Variants in CELSR1 observed in about 807,000 individuals in gnomAD.
CELSR1 encodes the protein adhesion G protein-coupled receptor C1.
Under a neutral mutation model 249.1 loss-of-function variants are expected in CELSR1, and 110 were observed. That is an observed-to-expected ratio of 0.44 (90% CI 0.38 to 0.52). The LOEUF is 0.52. Among genes scored for constraint, CELSR1 ranks in the 20% least tolerant of loss-of-function variants. The pLI is 0.00. For missense variants in CELSR1, 4,109 were observed against 4,296.4 expected, an observed-to-expected ratio of 0.96 and a Z score of 1.22; for synonymous variants, 2,113 against 1,900.0, an observed-to-expected ratio of 1.11 and a Z score of -2.92.
chr22:46,524,571 T>TG (rs1491525316), intron 1 of CELSR1, among the ~76,000 whole-genome samples: 22 of 46,968 alleles, frequency 4.7e-4, no homozygotes, highest in South Asian at 1.5e-3. Context: ...TGTGTGTGTG[T>TG]CTGTCTGTCT....
rs2079658839 is a variant in CELSR1 at position 46,436,213 on chromosome 22, C to G, written c.4483G>C (p.Glu1495Gln). The change falls in exon 4 of 35, where the codon GAG (glutamate) becomes CAG (glutamine). Residue 1495 changes from glutamate to glutamine, a missense_variant. Transcript: ENST00000674500. This position sits in a 1 kb window ranked among gnomAD's most constrained non-coding sequence, Gnocchi z 5.9. ...AGCTGCACCTGCTCGTCCACGATCT[C>G]CAGGGCGATGAAGTCGTGCTTCTCA... Reference protein sequence around the residue: ...FNEKHDFIALEIVDEQVQLTF... With the variant: ...FNEKHDFIALQIVDEQVQLTF... The G allele has an allele frequency of 6.2e-7, 1 of 1,613,984 alleles. No homozygotes were observed. Among genetic ancestry groups the G allele is most frequent in the Non-Finnish European group, 8.5e-7 (1 of 1,180,018 alleles).
At position 46,398,302 on chromosome 22, in the gene CELSR1, G is replaced by C. The variant is rs2079173147; in HGVS notation, c.5526+222C>G. On this transcript the variant is annotated intron_variant, in intron 11 of 34. Coordinates refer to ENST00000674500, the MANE Select transcript of CELSR1 (RefSeq NM_001378328.1). This position sits in a 1 kb window ranked among gnomAD's most constrained non-coding sequence, Gnocchi z 7.2. ...GGGCAGGTGGCTGGCATGGCGGTGG[G>C]GAGCTGTGGGGGCCAGGGACGGCCC... Among the ~76,000 whole-genome samples, 1 of 152,138 alleles carries C rather than the reference G, an allele frequency of 6.6e-6. No individual in the cohort carries two copies. The highest frequency in any genetic ancestry group is 2.4e-5 in the African/African-American group (1 of 41,434).
intron 1 of CELSR1, among the ~76,000 whole-genome samples, chr22:46,478,192 G>A (rs1218538467): frequency 6.6e-6 from 1 of 152,180 alleles, no homozygotes; most frequent in East Asian, 1.9e-4. Context: ...GACCACTCGG[G>A]CCTCTGCGCC....
chr22:46,501,654 CT>C (rs986318610), intron 1 of CELSR1, among the ~76,000 whole-genome samples: 108 of 152,302 alleles, frequency 7.1e-4, no homozygotes, highest in African/African-American at 2.6e-3. Flanking sequence ...GTATGATGTG[CT>C]TTTTTTCCTT....
At chr22:46,422,396 C>G (rs879313332) in intron 5 of CELSR1, among the ~76,000 whole-genome samples, 2 of 151,924 alleles carry the variant, frequency 1.3e-5, no homozygotes, top group African/African-American at 4.8e-5. Flanking sequence ...GCGTGAGCCA[C>G]CGTGCCTGGC....
chr22:46,405,725 G>A (rs1392044834), intron 9 of CELSR1, among the ~76,000 whole-genome samples: 1 of 152,120 alleles, frequency 6.6e-6, no homozygotes. Flanking sequence ...AATTGCTTGG[G>A]CTGTGGGATT....
chr22:46,450,977 TC>T (rs1377529564), intron 2 of CELSR1, among the ~76,000 whole-genome samples: 5 of 152,164 alleles, frequency 3.3e-5, no homozygotes, highest in Admixed American at 6.5e-5. Context: ...CTATTACTGG[TC>T]CCTGTTCCTC....
chr22:46,365,740 G>A (rs1408298916), intron 30 of CELSR1, 51 bp from the exon 31 acceptor site: 3 of 1,450,128 alleles, frequency 2.1e-6, no homozygotes, highest in South Asian at 1.2e-5. Flanking sequence ...GGGAACAGGA[G>A]GTGCTGGAAA....
At chr22:46,414,449 T>C (rs940774005) in intron 5 of CELSR1, among the ~76,000 whole-genome samples, 5 of 151,940 alleles carry the variant, frequency 3.3e-5, no homozygotes, top group Non-Finnish European at 5.9e-5. Flanking sequence ...CCCATCCCTC[T>C]CCTGTCACCC....
intron 5 of CELSR1, among the ~76,000 whole-genome samples, chr22:46,418,457 C>T (rs1270817090): frequency 6.6e-6 from 1 of 152,092 alleles, no homozygotes; most frequent in East Asian, 1.9e-4. Context: ...TACACTCCAG[C>T]CTGGGCGACA....
At chr22:46,414,275 C>A (rs148367168) in intron 5 of CELSR1, among the ~76,000 whole-genome samples, 37 of 152,332 alleles carry the variant, frequency 2.4e-4, no homozygotes, top group Admixed American at 1.6e-3. Context: ...GAGACACCCA[C>A]CGGCGGCCAC....
At chr22:46,366,871 C>CT (rs2078789345) in intron 29 of CELSR1, 122 bp downstream of exon 29, 1 of 1,377,572 alleles carries the variant, frequency 7.3e-7, no homozygotes, top group African/African-American at 1.5e-5. Flanking sequence ...GCGGGCGGCT[C>CT]TGCCATCCCC....
At position 46,473,661 on chromosome 22, in the gene CELSR1, C is replaced by T. The variant is rs905552984; in HGVS notation, c.3545-9316G>A. Among the ~76,000 whole-genome samples the T allele has an allele frequency of 1.3e-5, 2 of 152,190 alleles. No individual in the cohort carries two copies. The highest frequency in any genetic ancestry group is 1.9e-4 in the East Asian group (1 of 5,182). ...CTGTGATCACATCCACAGAGCGTTG[C>T]TTGCTGTCCAGCTGGTAAGAGACAC... On this transcript the variant is annotated intron_variant, in intron 1 of 34. Transcript: ENST00000674500. This position sits in a 1 kb window ranked among gnomAD's most constrained non-coding sequence, Gnocchi z 6.6.
At chr22:46,452,288 G>C (rs2079894796) in intron 2 of CELSR1, among the ~76,000 whole-genome samples, 1 of 152,192 alleles carries the variant, frequency 6.6e-6, no homozygotes, top group African/African-American at 2.4e-5. Context: ...CAGACCTGGA[G>C]CCACGGGAGA....
At chr22:46,533,551 G>T in intron 1 of CELSR1, 76 bp downstream of exon 1, 1 of 1,495,530 alleles carries the variant, frequency 6.7e-7, no homozygotes, top group Non-Finnish European at 8.9e-7. Flanking sequence ...CATGCCAGGC[G>T]GAGCCCTTGG....
intron 1 of CELSR1, among the ~76,000 whole-genome samples, chr22:46,492,902 G>C (rs1434931228): frequency 6.6e-6 from 1 of 151,996 alleles, no homozygotes; most frequent in Non-Finnish European, 1.5e-5. Context: ...TTAGAAGGTA[G>C]ACAAAAAGAG....
rs1049890786 is a variant in CELSR1, at chr22:46,382,476, C to G, written c.6884-426G>C. ...TATTTTTAGTAGAGACAGAGTTTCA[C>G]CTTGTTAGCCAGGATGGTCTCGATC... is the stretch of plus-strand genomic sequence containing the variant. On this transcript the variant is annotated intron_variant, in intron 20 of 34. Transcript: ENST00000674500. Among the ~76,000 whole-genome samples, 4 of 152,168 alleles carry G rather than the reference C, an allele frequency of 2.6e-5. No individual in the cohort carries two copies. The South Asian group carries it at 8.3e-4, about 31-fold the overall frequency.
rs199661483 is a variant in CELSR1, at chr22:46,364,218, G to A, written c.8813C>T (p.Pro2938Leu). ...CAGCGTCTGCTCCGTCAGCGTCAGC[G>A]GCGGCGGGTAGGTGACTTTATTTTT... Reference protein sequence around the residue: ...ILKNKVTYPPPLTLTEQTLKG... With the variant: ...ILKNKVTYPPLLTLTEQTLKG... Residue 2938 changes from proline to leucine, a missense_variant, in exon 34 of 35, where the codon CCG becomes CTG. By Grantham distance (98) the Pro-to-Leu change is moderately conservative. Transcript: ENST00000674500. 27 of 1,610,954 alleles carry A rather than the reference G, an allele frequency of 1.7e-5. No homozygotes were observed. The highest frequency in any genetic ancestry group is 4.5e-5 in the East Asian group (2 of 44,878).
At position 46,533,735 on chromosome 22, in the gene CELSR1, T is replaced by C. The variant is rs989255968; in HGVS notation, c.3436A>G (p.Asn1146Asp). 9.9e-6 allele frequency: 16 copies of C among 1,613,156 alleles called. No homozygotes were observed. Among genetic ancestry groups the C allele is most frequent in the Non-Finnish European group, 1.4e-5 (16 of 1,180,018 alleles). The part of the protein sequence containing the change: ...DSLNYTFVQG[N>D]ELRLLLLDPA... ...TCCAGCAGCAACAGGCGCAGCTCGT[T>C]GCCCTGCACGAAGGTGTAGTTGAGG... Residue 1146 changes from asparagine to aspartate, a missense_variant, in exon 1 of 35, where the codon AAC becomes GAC. Around this residue, in one of 7 missense-constraint regions of CELSR1, gnomAD observed 886 missense variants for 896.5 expected, o/e 0.99. Transcript: ENST00000674500.
Sources: allele counts gnomAD v4.1 joint callset (sites outside exome capture counted in the v4.1 genomes callset), GRCh38; gene constraint gnomAD v4.1.1; regional missense constraint gnomAD v4.1.1; non-coding constraint Gnocchi (gnomAD v3.1); transcripts MANE v1.5; gene names NCBI Gene and HGNC (gene_info 2026-07-23, HGNC 2026-07-21).